KCNMA1: variants seen among roughly 807,000 people sequenced by gnomAD.
KCNMA1 encodes the protein potassium calcium-activated channel subfamily M alpha 1, also known as Calcium-activated potassium channel subunit alpha-1.
In KCNMA1, 29 loss-of-function variants were observed where a neutral mutation model predicts 140.0. The ratio of observed to expected loss-of-function variants is 0.21; its 90% CI spans 0.15 to 0.28. The LOEUF (loss-of-function observed/expected upper bound fraction) is 0.28. Among genes scored for constraint, KCNMA1 ranks in the 10% least tolerant of loss-of-function variants. KCNMA1 has a pLI of 1.00. For missense variants in KCNMA1, 880 were observed against 1,602.2 expected (o/e 0.55, Z 7.70); for synonymous variants, 612 against 611.9 (o/e 1.00, Z 0.00).
chr10:77,143,703 C>A (rs1280113295), intron 5 of KCNMA1, among the ~76,000 whole-genome samples: 1 of 151,852 alleles, frequency 6.6e-6, no homozygotes, highest in African/African-American at 2.4e-5. Context: ...AGATAGGACA[C>A]AAAAGGCACT....
intron 2 of KCNMA1, among the ~76,000 whole-genome samples, chr10:77,358,604 C>T (rs2093691801): frequency 6.6e-6 from 1 of 152,164 alleles, no homozygotes; most frequent in African/African-American, 2.4e-5. Flanking sequence ...CCAGACCACT[C>T]TCTCCCTCCA....
At chr10:77,285,188 T>C (rs1179444313) in intron 2 of KCNMA1, among the ~76,000 whole-genome samples, 1 of 152,252 alleles carries the variant, frequency 6.6e-6, no homozygotes, top group Non-Finnish European at 1.5e-5. Context: ...CAGAACATCA[T>C]GTATATTTTT....
chr10:77,102,104 C>T (rs1316796876), intron 9 of KCNMA1, among the ~76,000 whole-genome samples: 1 of 152,194 alleles, frequency 6.6e-6, no homozygotes, highest in Non-Finnish European at 1.5e-5. Context: ...CATCTGTCCC[C>T]AGTGCCTGGT....
intron 3 of KCNMA1, among the ~76,000 whole-genome samples, chr10:77,203,343 CTCT>C (rs1455720707): frequency 6.6e-6 from 1 of 152,192 alleles, no homozygotes; most frequent in Non-Finnish European, 1.5e-5. Flanking sequence ...GCATTCACTC[CTCT>C]GTTTCACACC....
chr10:77,274,732 C>T (rs746077570), intron 2 of KCNMA1, among the ~76,000 whole-genome samples: 11 of 152,186 alleles, frequency 7.2e-5, no homozygotes, highest in South Asian at 2.1e-4. Flanking sequence ...GAAGGGAGGG[C>T]GGTTTACAGC....
intron 1 of KCNMA1, among the ~76,000 whole-genome samples, chr10:77,626,288 C>T (rs1427981679): frequency 6.6e-6 from 1 of 151,842 alleles, no homozygotes; most frequent in Non-Finnish European, 1.5e-5. Flanking sequence ...CATTCCTATA[C>T]TCTTCAAGAA....
intron 15 of KCNMA1, among the ~76,000 whole-genome samples, chr10:77,032,538 C>G (rs1432961732): frequency 6.6e-6 from 1 of 152,070 alleles, no homozygotes; most frequent in African/African-American, 2.4e-5. Flanking sequence ...GAAGTTGTTG[C>G]TGGTTGCAAA....
chr10:76,995,514 G>T, intron 19 of KCNMA1: 1 of 470,742 alleles, frequency 2.1e-6, no homozygotes. Context: ...TCAGGATTTG[G>T]GCTCAAGGCA....
chr10:76,899,608 T>C lies in KCNMA1; in HGVS notation c.3148-7889A>G, dbSNP rs2044172490. Among the ~76,000 whole-genome samples, 3 of 152,280 alleles carry C rather than the reference T, an allele frequency of 2.0e-5. No homozygotes were observed. The South Asian group carries it at 6.2e-4, about 32-fold the overall frequency. ...AGAGTTAAGTAGTTGTGACAGAGAC[T>C]ATGTGGCCCTCAAAGGCTGAAAATA... On this transcript the variant is annotated intron_variant, in intron 25 of 27. Coordinates refer to ENST00000286628, the MANE Select transcript of KCNMA1 (RefSeq NM_001161352.2).
intron 23 of KCNMA1, among the ~76,000 whole-genome samples, chr10:76,942,504 T>G (rs2062794000): frequency 6.6e-6 from 1 of 152,192 alleles, no homozygotes; most frequent in Non-Finnish European, 1.5e-5. Flanking sequence ...TTCTCTTTCC[T>G]CCATATCTCC....
At chr10:77,456,190 C>T (rs558255759) in intron 1 of KCNMA1, among the ~76,000 whole-genome samples, 31 of 152,296 alleles carry the variant, frequency 2.0e-4, no homozygotes, top group African/African-American at 6.3e-4. Flanking sequence ...AGGCAGGATT[C>T]GTCTTTGGCC....
chr10:77,014,272 A>G (rs534616097), intron 17 of KCNMA1, among the ~76,000 whole-genome samples: 10 of 152,114 alleles, frequency 6.6e-5, no homozygotes, highest in Non-Finnish European at 1.2e-4. Flanking sequence ...CTAAAAATAA[A>G]AAAATTAGCC....
At chr10:77,113,768 T>C (rs1275421789) in intron 6 of KCNMA1, among the ~76,000 whole-genome samples, 1 of 152,208 alleles carries the variant, frequency 6.6e-6, no homozygotes, top group Non-Finnish European at 1.5e-5. Context: ...CCAGCCCAGT[T>C]TATTTTTTAA....
chr10:77,075,598 T>C (rs1247785), intron 13 of KCNMA1, among the ~76,000 whole-genome samples: 96,613 of 152,092 alleles, frequency 0.64, 30,748 homozygotes, highest in Admixed American at 0.67. Flanking sequence ...TTGAGTTCTG[T>C]AGGCATATTT....
At chr10:77,067,006 C>A (rs1454201590) in intron 14 of KCNMA1, among the ~76,000 whole-genome samples, 1 of 152,080 alleles carries the variant, frequency 6.6e-6, no homozygotes, top group Non-Finnish European at 1.5e-5. Context: ...GAGCTTACAC[C>A]CACCAGACAA....
Position 76,928,315 on chromosome 10 carries a change from A to G in KCNMA1, c.2903-13266T>C, listed in dbSNP as rs1046700039. On this transcript the variant is annotated intron_variant, in intron 23 of 27. Coordinates refer to ENST00000286628, the MANE Select transcript of KCNMA1 (RefSeq NM_001161352.2). ...CACACACACACACACACACACGCAC[A>G]TACACACACATATTTAGACCTAAAG... 4.0e-5 allele frequency among the ~76,000 whole-genome samples: 6 copies of G among 151,610 alleles called. 1 individual carries two copies. The highest frequency in any genetic ancestry group is 1.5e-4 in the African/African-American group (6 of 41,374).
intron 1 of KCNMA1, among the ~76,000 whole-genome samples, chr10:77,489,426 C>CCCAGGTTCAAGCAATTCTCCTGCCTT (rs1297075582): frequency 6.6e-6 from 1 of 152,028 alleles, no homozygotes; most frequent in Non-Finnish European, 1.5e-5. Flanking sequence ...ACCTCTGCCT[C>CCCAGGTTCAAGCAATTCTCCTGCCTT]CCAGGTTCAA....
intron 14 of KCNMA1, among the ~76,000 whole-genome samples, chr10:77,060,659 G>C (rs1056822457): frequency 5.9e-5 from 9 of 152,174 alleles, no homozygotes; most frequent in African/African-American, 2.2e-4. Flanking sequence ...TTTTGGGGAT[G>C]GGGGAATGAG....
chr10:77,223,489 T>A (rs138835643), intron 3 of KCNMA1, among the ~76,000 whole-genome samples: 2 of 152,122 alleles, frequency 1.3e-5, no homozygotes, highest in Non-Finnish European at 2.9e-5. Context: ...TCAGAGTGTA[T>A]CTAGAATGAA....
Sources: gnomAD v4.1 joint callset for allele counts (sites outside exome capture counted in the v4.1 genomes callset) on GRCh38, gnomAD v4.1.1 for gene constraint, MANE v1.5 for transcripts, NCBI Gene and HGNC (gene_info 2026-07-23, HGNC 2026-07-21) for gene names.